CDH12: variants seen among roughly 807,000 people sequenced by gnomAD.
CDH12 encodes cadherin 12, also known as cadherin-12.
A neutral mutation model predicts 74.1 loss-of-function variants in CDH12; 41 were observed. The ratio of observed to expected loss-of-function variants is 0.55; its 90% CI spans 0.43 to 0.72. The LOEUF is 0.72. Ranked by LOEUF, CDH12 falls within the 30% of genes least tolerant of loss-of-function variation. The pLI is 0.00. For synonymous variants in CDH12, 399 were observed against 355.0 expected (o/e 1.12, Z -1.39); for missense variants, 945 against 977.2 (o/e 0.97, Z 0.44).
At chr5:22,693,018 CTT>C (rs199949437) in intron 1 of CDH12, among the ~76,000 whole-genome samples, 14 of 144,172 alleles carry the variant, frequency 9.7e-5, no homozygotes, top group East Asian at 4.0e-4. Context: ...TTTTTAATTT[CTT>C]TTTTTTTTTT....
chr5:22,625,641 G>A (rs931138983), intron 1 of CDH12, among the ~76,000 whole-genome samples: 2 of 152,300 alleles, frequency 1.3e-5, no homozygotes, highest in South Asian at 2.1e-4. Context: ...GTCTTGCCCA[G>A]GGGATAAGGC....
At chr5:22,544,551 C>T (rs763589074) in intron 1 of CDH12, among the ~76,000 whole-genome samples, 21 of 152,078 alleles carry the variant, frequency 1.4e-4, no homozygotes, top group Non-Finnish European at 2.5e-4. Flanking sequence ...CATGGTGGCT[C>T]ACACCTATAT....
intron 3 of CDH12, among the ~76,000 whole-genome samples, chr5:22,283,769 A>T (rs1382879455): frequency 6.6e-6 from 1 of 152,128 alleles, no homozygotes; most frequent in East Asian, 1.9e-4. Flanking sequence ...TAATGTTTTT[A>T]CCACAGGAGA....
intron 5 of CDH12, among the ~76,000 whole-genome samples, chr5:22,069,567 T>C (rs1430677164): frequency 6.6e-6 from 1 of 152,184 alleles, no homozygotes; most frequent in Non-Finnish European, 1.5e-5. Context: ...GAGGTCTTAG[T>C]TCCAGAAGGA....
intron 2 of CDH12, among the ~76,000 whole-genome samples, chr5:22,499,035 C>T (rs989583467): frequency 2.2e-4 from 33 of 150,986 alleles, no homozygotes; most frequent in South Asian, 1.5e-3. Context: ...TCTCAAGTAC[C>T]GGGGATTACA....
intron 1 of CDH12, among the ~76,000 whole-genome samples, chr5:22,594,962 C>G (rs571522993): frequency 1.1e-4 from 17 of 152,224 alleles, no homozygotes; most frequent in African/African-American, 3.6e-4. Context: ...TTCAGTTATT[C>G]AGAACATAAT....
intron 10 of CDH12, among the ~76,000 whole-genome samples, chr5:21,784,863 G>C (rs1268278373): frequency 2.6e-5 from 4 of 152,142 alleles, no homozygotes; most frequent in Non-Finnish European, 5.9e-5. Context: ...AAATACATCT[G>C]AAATATATCA....
At chr5:22,420,605 G>A (rs1743603517) in intron 2 of CDH12, among the ~76,000 whole-genome samples, 1 of 152,090 alleles carries the variant, frequency 6.6e-6, no homozygotes, top group Admixed American at 6.6e-5. Context: ...GTTTGTTAGT[G>A]TGATGCTTCC....
intron 6 of CDH12, among the ~76,000 whole-genome samples, chr5:21,949,174 T>C (rs1412829021): frequency 6.6e-6 from 1 of 152,126 alleles, no homozygotes; most frequent in South Asian, 2.1e-4. Context: ...TTTTTTATTG[T>C]TATTGTAGTG....
At chr5:21,806,929 A>C (rs1388074111) in intron 9 of CDH12, among the ~76,000 whole-genome samples, 3 of 152,174 alleles carry the variant, frequency 2.0e-5, no homozygotes, top group Non-Finnish European at 2.9e-5. Flanking sequence ...CTGGGCCAAA[A>C]CCATGTTTGC....
At chr5:22,583,020 G>A (rs981994636) in intron 1 of CDH12, among the ~76,000 whole-genome samples, 4 of 152,200 alleles carry the variant, frequency 2.6e-5, no homozygotes, top group South Asian at 2.1e-4. Flanking sequence ...AGAGAAAAGC[G>A]CACTTTGAAG....
intron 4 of CDH12, among the ~76,000 whole-genome samples, chr5:22,156,852 T>C (rs1236269499): frequency 6.6e-6 from 1 of 152,160 alleles, no homozygotes; most frequent in East Asian, 1.9e-4. Flanking sequence ...TTAATGCGTA[T>C]TGATTAAAGT....
At chr5:22,383,771 A>G (rs1245171472) in intron 3 of CDH12, among the ~76,000 whole-genome samples, 1 of 152,178 alleles carries the variant, frequency 6.6e-6, no homozygotes, top group Non-Finnish European at 1.5e-5. Flanking sequence ...CGTGAACATG[A>G]TTGTTCATCT....
At chr5:22,656,870 C>T (rs1233546504) in intron 1 of CDH12, among the ~76,000 whole-genome samples, 2 of 152,072 alleles carry the variant, frequency 1.3e-5, no homozygotes, top group African/African-American at 4.8e-5. Flanking sequence ...CAGGGCCTTG[C>T]TCTGTTGCTC....
chr5:21,933,743 T>A (rs1228294083), intron 6 of CDH12, among the ~76,000 whole-genome samples: 1 of 152,136 alleles, frequency 6.6e-6, no homozygotes, highest in Non-Finnish European at 1.5e-5. Flanking sequence ...GAGATGGTAA[T>A]GGATCTGAAC....
chr5:21,844,438 C>G (rs138031384), intron 7 of CDH12, among the ~76,000 whole-genome samples: 1 of 152,102 alleles, frequency 6.6e-6, no homozygotes, highest in African/African-American at 2.4e-5. Context: ...GGAAGCACAC[C>G]CTGGTCATCA....
intron 6 of CDH12, among the ~76,000 whole-genome samples, chr5:21,927,516 G>A (rs1754641256): frequency 6.6e-6 from 1 of 152,008 alleles, no homozygotes; most frequent in Non-Finnish European, 1.5e-5. Flanking sequence ...ACTTGAACCC[G>A]GGAGGCGGAA....
chr5:22,221,061 T>C (rs556872732), intron 3 of CDH12, among the ~76,000 whole-genome samples: 3 of 151,628 alleles, frequency 2.0e-5, no homozygotes, highest in Middle Eastern at 3.4e-3. Flanking sequence ...GCAAAGTGCC[T>C]CCCATGCTTT....
chr5:22,247,969 A>G (rs1017183645), intron 3 of CDH12, among the ~76,000 whole-genome samples: 1 of 152,166 alleles, frequency 6.6e-6, no homozygotes, highest in Non-Finnish European at 1.5e-5. Flanking sequence ...TAAACTTAGG[A>G]TCCTACCTTT....
Sources: allele counts gnomAD v4.1 joint callset (sites outside exome capture counted in the v4.1 genomes callset), GRCh38; gene constraint gnomAD v4.1.1; transcripts MANE v1.5; gene names NCBI Gene and HGNC (gene_info 2026-07-23, HGNC 2026-07-21).